SH3D19: variants seen among roughly 807,000 people sequenced by gnomAD.
SH3D19 encodes SH3 domain containing 19, also known as SH3 domain-containing protein 19.
A neutral mutation model predicts 112.1 loss-of-function variants in SH3D19; 58 were observed. The ratio of observed to expected loss-of-function variants is 0.52; its 90% CI spans 0.42 to 0.64. The LOEUF (loss-of-function observed/expected upper bound fraction) is 0.64. Ranked by LOEUF, SH3D19 falls within the 30% of genes least tolerant of loss-of-function variation. The pLI is 0.00. For synonymous variants in SH3D19, 391 were observed against 448.5 expected, an observed-to-expected ratio of 0.87 and a Z score of 1.62; for missense variants, 1,090 against 1,263.4, an observed-to-expected ratio of 0.86 and a Z score of 2.08.
At chr4:151,220,729 T>C (rs1395077687) in intron 2 of SH3D19, among the ~76,000 whole-genome samples, 2 of 152,224 alleles carry the variant, frequency 1.3e-5, no homozygotes, top group Non-Finnish European at 2.9e-5. Flanking sequence ...AACGAGTGTG[T>C]AGTATAGCTC....
chr4:151,305,223 C>T (rs1728811999), intron 1 of SH3D19, among the ~76,000 whole-genome samples: 1 of 151,826 alleles, frequency 6.6e-6, no homozygotes, highest in African/African-American at 2.4e-5. Flanking sequence ...ACAAGGTATG[C>T]AAAGAAATAA....
chr4:151,179,402 T>G lies in SH3D19; in HGVS notation c.194-5A>C. 1 of 1,229,834 alleles carries G rather than the reference T, an allele frequency of 8.1e-7. No homozygotes were observed. Among genetic ancestry groups the G allele is most frequent in the Non-Finnish European group, 1.0e-6 (1 of 986,088 alleles). The allele number at this position is 1,229,834 out of a possible 1,614,324, so 76.2% of individuals were successfully genotyped here. ...TCTGAATAGAAGTCCGAGAAGCTGTTGAAGAAGGAATAAACTGGTATAGTA... is the reference window on the plus strand; with the variant it reads ...TCTGAATAGAAGTCCGAGAAGCTGTGGAAGAAGGAATAAACTGGTATAGTA... On this transcript the variant is annotated splice_region_variant and splice_polypyrimidine_tract_variant and intron_variant, in intron 3 of 19. Coordinates refer to ENST00000604030, the MANE Select transcript of SH3D19 (RefSeq NM_001378122.1).
intron 1 of SH3D19, among the ~76,000 whole-genome samples, chr4:151,318,300 C>CAAAAAAAAAAAAAAAAAAAA (rs752720803): frequency 1.3e-4 from 7 of 54,430 alleles, no homozygotes; most frequent in South Asian, 7.5e-4. Context: ...GACTCTGACT[C>CAAAAAAAAAAAAAAAAAAAA]AAAAAAAAAA....
intron 1 of SH3D19, among the ~76,000 whole-genome samples, chr4:151,243,821 A>C (rs146984485): frequency 1.3e-5 from 2 of 152,226 alleles, no homozygotes; most frequent in African/African-American, 4.8e-5. Flanking sequence ...ATAAGCTCAG[A>C]GAAGACTGAG....
intron 1 of SH3D19, chr4:151,262,999 G>C (rs1772494543): frequency 6.6e-6 from 1 of 152,128 alleles, no homozygotes; most frequent in Non-Finnish European, 1.5e-5. Flanking sequence ...TGACAGTTGA[G>C]AATGAGAGAA....
chr4:151,203,092 C>T (rs1764622795), intron 2 of SH3D19, among the ~76,000 whole-genome samples: 1 of 152,074 alleles, frequency 6.6e-6, no homozygotes, highest in South Asian at 2.1e-4. Flanking sequence ...AGACTCACTT[C>T]CAAGCTTGAC....
chr4:151,279,275 C>T (rs766933578), intron 1 of SH3D19: 4 of 206,342 alleles, frequency 1.9e-5, no homozygotes, highest in Non-Finnish European at 2.9e-5. Flanking sequence ...ACTATATTGC[C>T]CAGGCCTCAA....
chr4:151,224,593 A>C (rs1013661907), intron 2 of SH3D19, among the ~76,000 whole-genome samples: 1 of 152,220 alleles, frequency 6.6e-6, no homozygotes, highest in Non-Finnish European at 1.5e-5. Context: ...TCCAATCTTC[A>C]GAATGTCAAA....
At chr4:151,280,035 A>T in intron 1 of SH3D19, 1 of 1,519,270 alleles carries the variant, frequency 6.6e-7, no homozygotes, top group Non-Finnish European at 9.0e-7. Flanking sequence ...GAACCAAAAG[A>T]CAAATGAAAG....
At chr4:151,270,864 C>A (rs1031353770) in intron 1 of SH3D19, among the ~76,000 whole-genome samples, 3 of 152,212 alleles carry the variant, frequency 2.0e-5, no homozygotes, top group Admixed American at 1.3e-4. Context: ...TAAAACTAGA[C>A]TGGACCTTTT....
At chr4:151,125,861 AAAAAAG>A (rs1749187933) in intron 19 of SH3D19, among the ~76,000 whole-genome samples, 3 of 151,678 alleles carry the variant, frequency 2.0e-5, no homozygotes, top group Admixed American at 6.6e-5. Context: ...AAAAAAAAAA[AAAAAAG>A]AAAGGAAGGA....
intron 2 of SH3D19, among the ~76,000 whole-genome samples, chr4:151,192,245 G>T (rs1160358461): frequency 6.6e-6 from 1 of 152,176 alleles, no homozygotes; most frequent in Non-Finnish European, 1.5e-5. Flanking sequence ...CAAGAGTACA[G>T]AATCTGTAGT....
intron 1 of SH3D19, among the ~76,000 whole-genome samples, chr4:151,322,363 G>A (rs779403349): frequency 6.7e-6 from 1 of 150,020 alleles, no homozygotes; most frequent in African/African-American, 2.5e-5. Context: ...AACCTGGGAG[G>A]TGAAGGTTGC....
intron 1 of SH3D19, among the ~76,000 whole-genome samples, chr4:151,265,569 CTTTTTT>C (rs763878307): frequency 2.4e-5 from 3 of 126,112 alleles, no homozygotes; most frequent in African/African-American, 1.0e-4. Flanking sequence ...TATTTCTTTT[CTTTTTT>C]TTTTTTTTTT....
chr4:151,205,257 T>C (rs907298290), intron 2 of SH3D19, among the ~76,000 whole-genome samples: 2 of 152,242 alleles, frequency 1.3e-5, no homozygotes, highest in African/African-American at 4.8e-5. Context: ...CGGCTTTTTG[T>C]GCAAGCTCTC....
At chr4:151,165,547 G>T in intron 8 of SH3D19, 42 bp downstream of exon 8, 1 of 1,439,300 alleles carries the variant, frequency 6.9e-7, no homozygotes, top group Non-Finnish European at 9.7e-7. Flanking sequence ...ATTTCTCCCA[G>T]CCTCTTGAAG....
At chr4:151,262,293 C>T (rs1271359127) in intron 1 of SH3D19, 1 of 152,182 alleles carries the variant, frequency 6.6e-6, no homozygotes, top group Non-Finnish European at 1.5e-5. Context: ...ATTAAGACAG[C>T]TTTGACTCTT....
intron 2 of SH3D19, among the ~76,000 whole-genome samples, chr4:151,221,514 A>G (rs1172306363): frequency 3.3e-5 from 5 of 152,168 alleles, no homozygotes; most frequent in Non-Finnish European, 7.3e-5. Context: ...CCTTTCTTAT[A>G]GGGCATCACT....
chr4:151,236,846 A>G (rs1408181737), intron 1 of SH3D19, among the ~76,000 whole-genome samples: 1 of 152,228 alleles, frequency 6.6e-6, no homozygotes, highest in Non-Finnish European at 1.5e-5. Context: ...ACAATCTGTC[A>G]AAATGGACCA....
Sources: gnomAD v4.1 joint callset for allele counts (sites outside exome capture counted in the v4.1 genomes callset) on GRCh38, gnomAD v4.1.1 for gene constraint, MANE v1.5 for transcripts, NCBI Gene and HGNC (gene_info 2026-07-23, HGNC 2026-07-21) for gene names.